RTN4: variants seen among roughly 807,000 people sequenced by gnomAD.
The protein encoded by RTN4 is reticulon-4.
A neutral mutation model predicts 90.4 loss-of-function variants in RTN4; 32 were observed. That is an observed-to-expected ratio of 0.35 (90% CI 0.27 to 0.48). The LOEUF is 0.48. RTN4 is among the 20% of genes least tolerant of loss of function. The pLI is 0.99. For synonymous variants in RTN4, 629 were observed against 552.5 expected, an observed-to-expected ratio of 1.14 and a Z score of -1.94; for missense variants, 1,706 against 1,430.2, an observed-to-expected ratio of 1.19 and a Z score of -3.11.
intron 1 of RTN4, among the ~76,000 whole-genome samples, chr2:55,031,743 A>G (rs1046147483): frequency 6.6e-6 from 1 of 152,154 alleles, no homozygotes. Flanking sequence ...ACGCCCATTC[A>G]CTTCTGTGCT....
At chr2:55,076,349 G>A (rs1423998110) in intron 2 of RTN4, among the ~76,000 whole-genome samples, 2 of 142,734 alleles carry the variant, frequency 1.4e-5, no homozygotes, top group Non-Finnish European at 3.0e-5. Flanking sequence ...ATCACTACTT[G>A]ATATGGTTTG....
intron 4 of RTN4, among the ~76,000 whole-genome samples, chr2:54,986,309 G>C (rs1435083130): frequency 6.6e-6 from 1 of 152,144 alleles, no homozygotes. Context: ...GTAACAAATG[G>C]AGTCCAATTA....
At chr2:54,986,328 C>T (rs1678559803) in intron 4 of RTN4, among the ~76,000 whole-genome samples, 1 of 152,168 alleles carries the variant, frequency 6.6e-6, no homozygotes, top group Non-Finnish European at 1.5e-5. Flanking sequence ...TAGGGGTCAG[C>T]AAACTTTCTG....
intron 2 of RTN4, among the ~76,000 whole-genome samples, chr2:55,063,639 G>C (rs560854066): frequency 7.8e-4 from 118 of 152,028 alleles, no homozygotes; most frequent in Non-Finnish European, 1.4e-3. Flanking sequence ...CCTGCACTCT[G>C]GGAGGCCAAG....
intron 3 of RTN4, among the ~76,000 whole-genome samples, chr2:55,002,812 G>T (rs529657356): frequency 6.6e-6 from 1 of 152,260 alleles, no homozygotes; most frequent in East Asian, 1.9e-4. Context: ...ATGTTAAAAT[G>T]AGAACTTCTC....
At chr2:55,028,363 C>A in intron 1 of RTN4, 143 bp from the exon 2 acceptor site, 1 of 610,896 alleles carries the variant, frequency 1.6e-6, no homozygotes, top group Non-Finnish European at 2.9e-6. Context: ...AAAAGGAAGT[C>A]AGAAAAAGTA....
chr2:55,074,481 C>T (rs898595501), intron 2 of RTN4, among the ~76,000 whole-genome samples: 2 of 121,962 alleles, frequency 1.6e-5, no homozygotes, highest in Non-Finnish European at 1.6e-5. Context: ...CCAGCCTGGG[C>T]AACTGAGCAA....
rs186739321 is a variant in RTN4, at chr2:55,022,612, T to C, written c.3013+2474A>G. The stretch of plus-strand genomic sequence containing the variant: ...TTGGCTATTCCGCTACGTCATTCTC[T>C]GTCCTTCCTCATTTCTTCTACCTAC... On this transcript the variant is annotated intron_variant, in intron 3 of 8. Transcript: ENST00000337526. Among the ~76,000 whole-genome samples the C allele has an allele frequency of 1.7e-3, 259 of 152,248 alleles. 1 individual carries two copies. Among genetic ancestry groups the C allele is most frequent in the Middle Eastern group, 0.014 (4 of 294 alleles).
intron 3 of RTN4, chr2:55,010,220 G>A (rs199851759): frequency 2.1e-4 from 329 of 1,588,292 alleles, no homozygotes; most frequent in Non-Finnish European, 2.5e-4. Flanking sequence ...TGAAATACCC[G>A]TTTCCTCAAC....
At chr2:55,066,195 GTGT>G (rs1668390175) in intron 2 of RTN4, among the ~76,000 whole-genome samples, 1 of 62,482 alleles carries the variant, frequency 1.6e-5, no homozygotes, top group East Asian at 8.6e-4. Flanking sequence ...GTGTGTGTTT[GTGT>G]GTGTGTGTGT....
At chr2:54,985,784 C>T (rs1186738041) in intron 4 of RTN4, among the ~76,000 whole-genome samples, 2 of 152,190 alleles carry the variant, frequency 1.3e-5, no homozygotes, top group Non-Finnish European at 2.9e-5. Context: ...TTAATATCAA[C>T]TGGATCATGT....
chr2:54,985,760 T>C (rs936415952), intron 4 of RTN4, among the ~76,000 whole-genome samples: 5 of 152,156 alleles, frequency 3.3e-5, no homozygotes, highest in Non-Finnish European at 5.9e-5. Flanking sequence ...TGTAAATCCA[T>C]TTAAGTTTAC....
intron 1 of RTN4, among the ~76,000 whole-genome samples, chr2:55,096,889 G>A (rs1454631578): frequency 2.6e-5 from 4 of 151,882 alleles, no homozygotes; most frequent in Admixed American, 6.6e-5. Flanking sequence ...CAAGGAATGA[G>A]GTGTAGTTGG....
At chr2:54,975,956 C>A (rs1677595931) in intron 5 of RTN4, among the ~76,000 whole-genome samples, 1 of 152,074 alleles carries the variant, frequency 6.6e-6, no homozygotes, top group Admixed American at 6.6e-5. Flanking sequence ...CTATTGGAAC[C>A]CCTGGTAGAA....
chr2:55,012,985 T>TA (rs1183017496), intron 3 of RTN4, among the ~76,000 whole-genome samples: 3 of 152,276 alleles, frequency 2.0e-5, no homozygotes, highest in Non-Finnish European at 2.9e-5. Context: ...ACCTAACTTT[T>TA]AAAAAAATTA....
intron 3 of RTN4, among the ~76,000 whole-genome samples, chr2:55,005,144 T>C (rs1428689061): frequency 6.6e-6 from 1 of 152,096 alleles, no homozygotes; most frequent in Non-Finnish European, 1.5e-5. Context: ...CTTTCAAACA[T>C]CCAGGATAGA....
At chr2:55,007,292 C>T (rs1168040853) in intron 3 of RTN4, among the ~76,000 whole-genome samples, 1 of 152,092 alleles carries the variant, frequency 6.6e-6, no homozygotes, top group Non-Finnish European at 1.5e-5. Context: ...TAAATCTGGG[C>T]ACAACTACAG....
intron 2 of RTN4, among the ~76,000 whole-genome samples, chr2:55,079,091 T>C (rs1008942457): frequency 5.9e-5 from 9 of 152,052 alleles, no homozygotes; most frequent in African/African-American, 1.9e-4. Context: ...ATAGAGGAGG[T>C]TGTGGTCACA....
intron 5 of RTN4, among the ~76,000 whole-genome samples, chr2:54,979,683 G>C (rs1278876779): frequency 6.6e-6 from 1 of 152,194 alleles, no homozygotes; most frequent in Non-Finnish European, 1.5e-5. Context: ...TACATTATCA[G>C]AGTGTGCACC....
Sources: gnomAD v4.1 joint callset for allele counts (sites outside exome capture counted in the v4.1 genomes callset) on GRCh38, gnomAD v4.1.1 for gene constraint, MANE v1.5 for transcripts, NCBI Gene and HGNC (gene_info 2026-07-23, HGNC 2026-07-21) for gene names.